Variants in NF1 observed in about 807,000 individuals in gnomAD.
NF1 encodes neurofibromin 1.
A neutral mutation model predicts 325.7 loss-of-function variants in NF1; 122 were observed. The observed-to-expected ratio is 0.37, with a 90% CI of 0.32 to 0.44. The LOEUF (loss-of-function observed/expected upper bound fraction) is 0.44, where lower values mean the gene tolerates loss of function less well. Among genes scored for constraint, NF1 ranks in the 20% least tolerant of loss-of-function variants. The pLI, the probability that NF1 is intolerant of heterozygous loss-of-function variation, is 1.00. For missense variants in NF1, 2,140 were observed against 3,415.4 expected (o/e 0.63, Z 9.31); for synonymous variants, 1,091 against 1,186.0 (o/e 0.92, Z 1.65).
At chr17:31,244,780 T>C (rs17883900) in intron 29 of NF1, among the ~76,000 whole-genome samples, 2,228 of 152,280 alleles carry the variant, frequency 0.015, 54 homozygotes, top group African/African-American at 0.049. Flanking sequence ...GGTATTGTGA[T>C]CACTTACCTG....
Position 31,229,433 on chromosome 17 carries a change from A to G in NF1, c.2818A>G (p.Thr940Ala), listed in dbSNP as rs1443857560. The G allele has an allele frequency of 6.2e-7, 1 of 1,613,908 alleles. No individual in the cohort carries two copies. The highest frequency in any genetic ancestry group is 8.5e-7 in the Non-Finnish European group (1 of 1,179,798). ...AATGCTATTTAACAAATTGAAGAATACCATCAGCAAGTTTTTTGACTCCCA... is the reference window on the plus strand; with the variant it reads ...AATGCTATTTAACAAATTGAAGAATGCCATCAGCAAGTTTTTTGACTCCCA... ...YPMLFNKLKN[T>A]ISKFFDSQGQ... The change falls in exon 21 of 58, where the codon ACC (threonine) becomes GCC (alanine). Residue 940 changes from threonine (T) to alanine (A), a missense_variant. This residue lies in a region of NF1 where 380 missense variants were observed against 639.3 expected (regional missense o/e 0.59). Transcript: ENST00000358273.
intron 36 of NF1, among the ~76,000 whole-genome samples, chr17:31,289,286 A>G (rs1202631171): frequency 6.6e-6 from 1 of 152,200 alleles, no homozygotes; most frequent in East Asian, 1.9e-4. Context: ...ATGATACTCT[A>G]AAGGGAAGCA....
intron 1 of NF1, among the ~76,000 whole-genome samples, chr17:31,141,111 C>A (rs1421451948): frequency 2.6e-5 from 4 of 152,184 alleles, no homozygotes; most frequent in Non-Finnish European, 5.9e-5. Context: ...TACACACACA[C>A]ACATAGTAAC....
At chr17:31,220,261 T>C (rs2066898889) in intron 14 of NF1, among the ~76,000 whole-genome samples, 1 of 152,198 alleles carries the variant, frequency 6.6e-6, no homozygotes, top group Admixed American at 6.5e-5. Context: ...CAAATGTTTA[T>C]ACATACCCAG....
At chr17:31,304,817 T>G in intron 36 of NF1, 1 of 1,614,064 alleles carries the variant, frequency 6.2e-7, no homozygotes. Flanking sequence ...GATGTACGTT[T>G]TGTGGATATT....
rs997781719 is a variant in NF1, at chr17:31,338,105, G to A, written c.6785G>A (p.Gly2262Glu). ...TGTATTAGCAAACGAGTGTCTCATG[G>A]GCAGATAAAGCAGATAATCCGTATT... ...FGCISKRVSH[G>E]QIKQIIRILS... The change falls in exon 45 of 58, where the codon GGG (glycine) becomes GAG (glutamate). Residue 2262 changes from glycine to glutamate, a missense_variant. Transcript: ENST00000358273. The A allele has an allele frequency of 6.2e-7, 1 of 1,613,610 alleles. No individual in the cohort carries two copies. Among genetic ancestry groups the A allele is most frequent in the African/African-American group, 1.3e-5 (1 of 74,880 alleles).
intron 36 of NF1, among the ~76,000 whole-genome samples, chr17:31,284,967 A>G (rs1238899262): frequency 1.3e-5 from 2 of 152,084 alleles, no homozygotes; most frequent in East Asian, 1.9e-4. Flanking sequence ...TAAAAATACA[A>G]AAATTAGCCG....
At chr17:31,299,557 G>A (rs779412725) in intron 36 of NF1, 1 of 151,914 alleles carries the variant, frequency 6.6e-6, no homozygotes, top group Non-Finnish European at 1.5e-5. Context: ...CATCTGCCAA[G>A]GAATAGCTAT....
rs1555614619 is a variant in NF1 at position 31,230,846 on chromosome 17, A to G, written c.3118A>G (p.Lys1040Glu). Residue 1040 changes from lysine (K) to glutamate (E), a missense_variant, in exon 24 of 58, where the codon AAG (lysine) becomes GAG (glutamate). Physicochemically the swap from Lys to Glu is moderately conservative, Grantham distance 56. This residue lies in a region of NF1 where 380 missense variants were observed against 639.3 expected (regional missense o/e 0.59). Coordinates refer to ENST00000358273, the MANE Select transcript of NF1 (RefSeq NM_001042492.3). ...CTTTTCTCCACCATTCTATAGGAATAAGATGGTAGAATACCTGACAGACTG... is the reference window on the plus strand; with the variant it reads ...CTTTTCTCCACCATTCTATAGGAATGAGATGGTAGAATACCTGACAGACTG... ...SFCQEMKFRN[K>E]MVEYLTDWVM... 6.3e-7 allele frequency: 1 copy of G among 1,599,398 alleles called. No individual in the cohort carries two copies. The highest frequency in any genetic ancestry group is 8.6e-7 in the Non-Finnish European group (1 of 1,167,720).
intron 57 of NF1, among the ~76,000 whole-genome samples, chr17:31,367,501 G>C (rs1184341154): frequency 6.6e-6 from 1 of 152,114 alleles, no homozygotes; most frequent in South Asian, 2.1e-4. Context: ...TACCCACCCA[G>C]AACAATGAAG....
intron 1 of NF1, among the ~76,000 whole-genome samples, chr17:31,095,853 C>T (rs1322299670): frequency 6.6e-6 from 1 of 152,092 alleles, no homozygotes; most frequent in East Asian, 1.9e-4. Context: ...AATAGGAGAA[C>T]GATAACATTC....
At chr17:31,221,675 C>T (rs1181848360) in intron 14 of NF1, among the ~76,000 whole-genome samples, 175 bp from the exon 15 acceptor site, 1 of 151,934 alleles carries the variant, frequency 6.6e-6, no homozygotes, top group African/African-American at 2.4e-5. Flanking sequence ...TGTATTATTC[C>T]CTAGAGGTTT....
chr17:31,276,576 A>C (rs757804823), intron 36 of NF1, among the ~76,000 whole-genome samples: 1 of 152,236 alleles, frequency 6.6e-6, no homozygotes, highest in Non-Finnish European at 1.5e-5. Flanking sequence ...CCTTATCTGC[A>C]TAGATGGGAG....
intron 36 of NF1, among the ~76,000 whole-genome samples, chr17:31,284,515 C>G (rs966955954): frequency 6.6e-6 from 1 of 151,686 alleles, no homozygotes; most frequent in African/African-American, 2.4e-5. Flanking sequence ...GAGCTCCTGA[C>G]CTGAAGTGAT....
chr17:31,343,036 C>T lies in NF1; in HGVS notation c.7090C>T (p.Arg2364Trp), dbSNP rs1567620403. 6.2e-7 allele frequency: 1 copy of T among 1,613,994 alleles called. No individual in the cohort carries two copies. The highest frequency in any genetic ancestry group is 8.5e-7 in the Non-Finnish European group (1 of 1,179,944). ...TCCAGAGGAAGTATTTATGGCAATC[C>T]GGAATCCTCTGGAGTGGCACTGCAA... ...KSPEEVFMAI[R>W]NPLEWHCKQM... The change falls in exon 48 of 58, where the codon CGG (arginine) becomes TGG (tryptophan). Residue 2364 changes from arginine to tryptophan, a missense_variant. Arg to Trp is a moderately radical substitution (Grantham distance 101). Around this residue, in one of 10 missense-constraint regions of NF1, gnomAD observed 522 missense variants for 749.0 expected, o/e 0.70. Coordinates refer to ENST00000358273, the MANE Select transcript of NF1 (RefSeq NM_001042492.3).
At chr17:31,222,302 A>C in intron 15 of NF1, 1 of 1,044,298 alleles carries the variant, frequency 9.6e-7, no homozygotes, top group Non-Finnish European at 1.2e-6. Context: ...TTTTTGAACT[A>C]TGATCTTTCA....
intron 36 of NF1, chr17:31,296,120 T>G (rs2068459004): frequency 6.2e-7 from 1 of 1,611,450 alleles, no homozygotes; most frequent in African/African-American, 1.3e-5. Context: ...TAACTGGTTA[T>G]GCAGATCAGT....
intron 8 of NF1, among the ~76,000 whole-genome samples, chr17:31,190,254 C>G (rs2066319847): frequency 6.6e-6 from 1 of 151,870 alleles, no homozygotes. Context: ...GAGATTCCAT[C>G]TCAAAAAACA....
At chr17:31,134,428 A>G (rs1463940611) in intron 1 of NF1, among the ~76,000 whole-genome samples, 1 of 152,188 alleles carries the variant, frequency 6.6e-6, no homozygotes, top group African/African-American at 2.4e-5. Flanking sequence ...GTAATTTCAA[A>G]TTTGAACTTA....
Sources: gnomAD v4.1 joint callset for allele counts (sites outside exome capture counted in the v4.1 genomes callset) on GRCh38, gnomAD v4.1.1 for gene constraint, gnomAD v4.1.1 regional missense constraint, MANE v1.5 for transcripts, NCBI Gene and HGNC (gene_info 2026-07-23, HGNC 2026-07-21) for gene names.